The following TOP1 variants were observed in gnomAD, a reference collection of about 807,000 sequenced individuals.
The protein encoded by TOP1 is DNA topoisomerase I.
Under a neutral mutation model 111.1 loss-of-function variants are expected in TOP1, and 10 were observed. That is an observed-to-expected ratio of 0.09 (90% CI 0.06 to 0.15). TOP1 has a LOEUF of 0.15. Among genes scored for constraint, TOP1 ranks in the 10% least tolerant of loss-of-function variants. The pLI is 1.00. For missense variants in TOP1, 474 were observed against 926.7 expected, an observed-to-expected ratio of 0.51 and a Z score of 6.34; for synonymous variants, 271 against 302.9, an observed-to-expected ratio of 0.89 and a Z score of 1.10.
chr20:41,062,826 A>G (rs1400229386), intron 3 of TOP1, among the ~76,000 whole-genome samples: 1 of 152,246 alleles, frequency 6.6e-6, no homozygotes, highest in East Asian at 1.9e-4. Flanking sequence ...AATTAAGGAT[A>G]TGGAAGACTT....
At chr20:41,049,916 A>G (rs955212711) in intron 2 of TOP1, among the ~76,000 whole-genome samples, 2 of 152,216 alleles carry the variant, frequency 1.3e-5, no homozygotes, top group Admixed American at 1.3e-4. Context: ...GAACAGGTCC[A>G]TGACAAAAAT....
chr20:41,092,318 A>G lies in TOP1; in HGVS notation c.615-154A>G, dbSNP rs1464399956. 2.0e-5 allele frequency among the ~76,000 whole-genome samples: 3 copies of G among 152,236 alleles called. No homozygotes were observed. The highest frequency in any genetic ancestry group is 2.9e-5 in the Non-Finnish European group (2 of 68,036). ...CGTTGGCTTTTTCAAAATGAGAGAC[A>G]CTGGTTCTTTTGATCCAGGCCTTGA... On this transcript the variant is annotated intron_variant, in intron 8 of 20. Coordinates refer to ENST00000361337, the MANE Select transcript of TOP1 (RefSeq NM_003286.4). The surrounding 1 kb of genome is among the most constrained non-coding windows in gnomAD (Gnocchi z 4.3).
At position 41,118,363 on chromosome 20, in the gene TOP1, A is replaced by T; in HGVS notation, c.1950+67A>T. 1.3e-6 allele frequency: 2 copies of T among 1,586,764 alleles called. No individual in the cohort carries two copies. Among genetic ancestry groups the T allele is most frequent in the Non-Finnish European group, 1.7e-6 (2 of 1,160,704 alleles). ...AGATTATCTGCGAATGAGAGGATTC[A>T]GGGCTGAGATATCAGCAGGCCAGTG... On this transcript the variant is annotated intron_variant, in intron 18 of 20. Transcript: ENST00000361337. The surrounding 1 kb of genome is among the most constrained non-coding windows in gnomAD (Gnocchi z 4.6).
At chr20:41,075,494 A>G (rs2033716550) in intron 3 of TOP1, among the ~76,000 whole-genome samples, 1 of 152,200 alleles carries the variant, frequency 6.6e-6, no homozygotes, top group Admixed American at 6.5e-5. Flanking sequence ...TTTATATGTA[A>G]TGTTATTTCC....
In TOP1 at chr20:41,078,379, G is replaced by GT. The variant is rs2033752909; in HGVS notation, c.335+744dup. Among the ~76,000 whole-genome samples, 1 of 152,184 alleles carries GT rather than the reference G, an allele frequency of 6.6e-6. No homozygotes were observed. Among genetic ancestry groups the GT allele is most frequent in the East Asian group, 1.9e-4 (1 of 5,202 alleles). On this transcript the variant is annotated intron_variant, in intron 5 of 20. Coordinates refer to ENST00000361337, the MANE Select transcript of TOP1 (RefSeq NM_003286.4). The surrounding 1 kb of genome is among the most constrained non-coding windows in gnomAD (Gnocchi z 5.3). The stretch of plus-strand genomic sequence containing the variant: ...TGACAGAAAGGATTTATTAGAAATG[G>GT]TTGTAAGTGTTTGCATTATTGACTG...
rs1028336527 is a variant in TOP1, at chr20:41,094,087, A to G, written c.730+1500A>G. On this transcript the variant is annotated intron_variant, in intron 9 of 20. Transcript: ENST00000361337. The surrounding 1 kb of genome is among the most constrained non-coding windows in gnomAD (Gnocchi z 4.4). ...AATAATAAATAAATAAATAAAACAT[A>G]TTTATTGAATGTATTTGTGGTCAGA... is the stretch of plus-strand genomic sequence containing the variant. Among the ~76,000 whole-genome samples, 1 of 152,110 alleles carries G rather than the reference A, an allele frequency of 6.6e-6. No individual in the cohort carries two copies. The highest frequency in any genetic ancestry group is 2.4e-5 in the African/African-American group (1 of 41,420).
rs1310979933 is a variant in TOP1 at position 41,067,233 on chromosome 20, C to T, written c.155+5743C>T. On this transcript the variant is annotated intron_variant, in intron 3 of 20. Coordinates refer to ENST00000361337, the MANE Select transcript of TOP1 (RefSeq NM_003286.4). This position sits in a 1 kb window ranked among gnomAD's most constrained non-coding sequence, Gnocchi z 4.0. ...CTCCTGGGTTCAAGCGATTCTCCTG[C>T]CTCAGCCTCCCGAGTAGCTGGGACT... Among the ~76,000 whole-genome samples the T allele has an allele frequency of 6.6e-6, 1 of 152,144 alleles. No individual in the cohort carries two copies. The highest frequency in any genetic ancestry group is 1.5e-5 in the Non-Finnish European group (1 of 68,026).
intron 2 of TOP1, among the ~76,000 whole-genome samples, chr20:41,044,469 C>T (rs917663914): frequency 2.6e-5 from 4 of 152,294 alleles, no homozygotes; most frequent in East Asian, 1.9e-4. Context: ...TCTTATGCTT[C>T]GGCAGACTAA....
chr20:41,074,768 G>A (rs1353481638), intron 3 of TOP1, among the ~76,000 whole-genome samples: 1 of 152,186 alleles, frequency 6.6e-6, no homozygotes, highest in African/African-American at 2.4e-5. Context: ...GATGGACATA[G>A]CCTAATGAGC....
intron 3 of TOP1, chr20:41,072,798 C>T: frequency 1.0e-6 from 1 of 985,418 alleles, no homozygotes; most frequent in Non-Finnish European, 1.2e-6. Context: ...TTCTAACAGT[C>T]TCCAATGTAA....
chr20:41,114,199 C>A lies in TOP1; in HGVS notation c.1638+44C>A. Reference sequence around the variant, plus strand: ...ACTGTCTGACTTGTTTTCCATTATTCAACAAGCATGGGTTGACTGCTTTTT... The same window carrying A: ...ACTGTCTGACTTGTTTTCCATTATTAAACAAGCATGGGTTGACTGCTTTTT... On this transcript the variant is annotated intron_variant, in intron 15 of 20. Coordinates refer to ENST00000361337, the MANE Select transcript of TOP1 (RefSeq NM_003286.4). The surrounding 1 kb of genome is among the most constrained non-coding windows in gnomAD (Gnocchi z 4.5). 1.3e-6 allele frequency: 2 copies of A among 1,538,620 alleles called. No homozygotes were observed. The highest frequency in any genetic ancestry group is 8.9e-7 in the Non-Finnish European group (1 of 1,125,332).
intron 2 of TOP1, among the ~76,000 whole-genome samples, chr20:41,051,174 T>C (rs185368626): frequency 7.7e-4 from 118 of 152,320 alleles, no homozygotes; most frequent in African/African-American, 2.7e-3. Flanking sequence ...TAGGTTTTGA[T>C]TGTGTAACTA....
chr20:41,031,431 A>G (rs1048896307), intron 2 of TOP1, among the ~76,000 whole-genome samples: 24 of 152,204 alleles, frequency 1.6e-4, no homozygotes, highest in African/African-American at 5.8e-4. Context: ...CATGGTTCTC[A>G]CCTAAGTCAC....
At chr20:41,073,885 A>C (rs141882170) in intron 3 of TOP1, among the ~76,000 whole-genome samples, 104 of 152,318 alleles carry the variant, frequency 6.8e-4, no homozygotes, top group African/African-American at 2.4e-3. Flanking sequence ...ATATTCATCC[A>C]TCAATATTAT....
chr20:41,029,713 C>T lies in TOP1; in HGVS notation c.58+258C>T. The stretch of plus-strand genomic sequence containing the variant: ...CGCCACCGGGCCTCGGGCGGTCTTT[C>T]CGGGCCGGGATTCCTCCCGGGAAAG... On this transcript the variant is annotated intron_variant, in intron 2 of 20. Transcript: ENST00000361337. The surrounding 1 kb of genome is among the most constrained non-coding windows in gnomAD (Gnocchi z 6.1). The T allele has an allele frequency of 1.8e-6, 1 of 561,876 alleles. No individual in the cohort carries two copies. The allele number at this position is 561,876 out of a possible 1,614,324, so 34.8% of individuals were successfully genotyped here.
rs936989795 is a variant in TOP1 at position 41,061,968 on chromosome 20, A to T, written c.155+478A>T. On this transcript the variant is annotated intron_variant, in intron 3 of 20. Coordinates refer to ENST00000361337, the MANE Select transcript of TOP1 (RefSeq NM_003286.4). The surrounding 1 kb of genome is among the most constrained non-coding windows in gnomAD (Gnocchi z 4.6). ...GTATATGAGATTTCCTGGAGAGACT[A>T]TTTGTAGCTTTCATCATGTTATCAG... is the stretch of plus-strand genomic sequence containing the variant. Among the ~76,000 whole-genome samples the T allele has an allele frequency of 1.3e-5, 2 of 152,140 alleles. No homozygotes were observed. Among genetic ancestry groups the T allele is most frequent in the Non-Finnish European group, 2.9e-5 (2 of 68,022 alleles).
At position 41,097,185 on chromosome 20, in the gene TOP1, T is replaced by C; in HGVS notation, c.731-35T>C. The C allele has an allele frequency of 6.2e-7, 1 of 1,608,288 alleles. No individual in the cohort carries two copies. The highest frequency in any genetic ancestry group is 8.5e-7 in the Non-Finnish European group (1 of 1,178,382). On this transcript the variant is annotated intron_variant, in intron 9 of 20. Coordinates refer to ENST00000361337, the MANE Select transcript of TOP1 (RefSeq NM_003286.4). This position sits in a 1 kb window ranked among gnomAD's most constrained non-coding sequence, Gnocchi z 4.2. The stretch of plus-strand genomic sequence containing the variant: ...GTATTTATGCTTAGAACATGAATAC[T>C]ATACCTCACTTTTTGGAACCACTTT...
In TOP1 at chr20:41,109,323, A is replaced by G. The variant is rs1600597058; in HGVS notation, c.1309-3459A>G. Among the ~76,000 whole-genome samples, 2 of 152,326 alleles carry G rather than the reference A, an allele frequency of 1.3e-5. No individual in the cohort carries two copies. The highest frequency in any genetic ancestry group is 1.9e-4 in the East Asian group (1 of 5,192). The stretch of plus-strand genomic sequence containing the variant: ...ATAAAATTCAAAACGTTTTAAATCT[A>G]TTTATTAGTAAGACTAACATAGACC... On this transcript the variant is annotated intron_variant, in intron 13 of 20. Transcript: ENST00000361337. The surrounding 1 kb of genome is among the most constrained non-coding windows in gnomAD (Gnocchi z 4.1).
rs187365735 is a variant in TOP1 at position 41,030,750 on chromosome 20, A to C, written c.58+1295A>C. On this transcript the variant is annotated intron_variant, in intron 2 of 20. Coordinates refer to ENST00000361337, the MANE Select transcript of TOP1 (RefSeq NM_003286.4). This position sits in a 1 kb window ranked among gnomAD's most constrained non-coding sequence, Gnocchi z 4.1. ...GAGAAGTTGATGAGTAGGTTTTCTA[A>C]TGTTGTAATCAGCAGTCCATCATGT... 7.8e-4 allele frequency among the ~76,000 whole-genome samples: 119 copies of C among 152,240 alleles called. No homozygotes were observed. Among genetic ancestry groups the C allele is most frequent in the African/African-American group, 2.7e-3 (112 of 41,554 alleles).
Sources: gnomAD v4.1 joint callset for allele counts (sites outside exome capture counted in the v4.1 genomes callset) on GRCh38, gnomAD v4.1.1 for gene constraint, Gnocchi (gnomAD v3.1) non-coding constraint, MANE v1.5 for transcripts, NCBI Gene and HGNC (gene_info 2026-07-23, HGNC 2026-07-21) for gene names.